The following CHCHD6 variants were observed in gnomAD, a reference collection of about 807,000 sequenced individuals.
The protein encoded by CHCHD6 is MICOS complex subunit MIC25.
CHCHD6 carries 28 observed loss-of-function variants against 32.3 expected under a neutral mutation model. The observed-to-expected ratio is 0.87, with a 90% confidence interval of 0.64 to 1.19. CHCHD6 has a LOEUF of 1.19. Among genes scored for constraint, CHCHD6 ranks in the 50% most tolerant of loss-of-function variants. The pLI is 0.00. For synonymous variants in CHCHD6, 122 were observed against 117.5 expected (o/e 1.04, Z -0.25); for missense variants, 333 against 307.0 (o/e 1.08, Z -0.63).
intron 4 of CHCHD6, among the ~76,000 whole-genome samples, chr3:126,829,274 A>G (rs557229584): frequency 6.6e-6 from 1 of 152,136 alleles, no homozygotes; most frequent in South Asian, 2.1e-4. Flanking sequence ...ATGCTGCACC[A>G]TCCTCAGACT....
At chr3:126,728,144 A>G (rs978783382) in intron 2 of CHCHD6, among the ~76,000 whole-genome samples, 1 of 152,224 alleles carries the variant, frequency 6.6e-6, no homozygotes, top group Non-Finnish European at 1.5e-5. Flanking sequence ...TGAGAGCTGT[A>G]TCCTGCCCAC....
intron 4 of CHCHD6, among the ~76,000 whole-genome samples, chr3:126,773,984 A>G (rs1367024685): frequency 1.3e-5 from 2 of 152,086 alleles, no homozygotes; most frequent in Non-Finnish European, 2.9e-5. Context: ...TTCTTTGATG[A>G]TTCTTGTCTG....
At chr3:126,748,968 A>C (rs1011624153) in intron 4 of CHCHD6, among the ~76,000 whole-genome samples, 2 of 152,150 alleles carry the variant, frequency 1.3e-5, no homozygotes, top group East Asian at 3.9e-4. Context: ...TGATGCCCTA[A>C]TTTAGATTGA....
At chr3:126,747,854 T>C (rs1311969301) in intron 4 of CHCHD6, among the ~76,000 whole-genome samples, 8 of 152,162 alleles carry the variant, frequency 5.3e-5, no homozygotes, top group Non-Finnish European at 8.8e-5. Flanking sequence ...GGGCCTGGGC[T>C]CCTGGGGGCC....
At chr3:126,865,500 A>C (rs1163942535) in intron 5 of CHCHD6, 29 of 901,236 alleles carry the variant, frequency 3.2e-5, no homozygotes, top group Non-Finnish European at 3.7e-5. Flanking sequence ...CTTCGCCTTC[A>C]CCACCACCAC....
chr3:126,822,628 G>A (rs1445342663), intron 4 of CHCHD6, among the ~76,000 whole-genome samples: 2 of 152,196 alleles, frequency 1.3e-5, no homozygotes, highest in Non-Finnish European at 2.9e-5. Flanking sequence ...GATTTTGATA[G>A]GAAATGTATT....
intron 4 of CHCHD6, among the ~76,000 whole-genome samples, chr3:126,829,677 TTCTC>T (rs1019224264): frequency 6.6e-6 from 1 of 152,040 alleles, no homozygotes; most frequent in Non-Finnish European, 1.5e-5. Flanking sequence ...CTTGCTCTCT[TTCTC>T]TCTATCATGT....
chr3:126,827,830 C>A (rs1940463875), intron 4 of CHCHD6, among the ~76,000 whole-genome samples: 1 of 152,142 alleles, frequency 6.6e-6, no homozygotes, highest in South Asian at 2.1e-4. Context: ...AGGGAGGCTG[C>A]AGAAAATAAG....
chr3:126,910,287 CA>C (rs1158847805), intron 5 of CHCHD6, among the ~76,000 whole-genome samples: 1 of 145,696 alleles, frequency 6.9e-6, no homozygotes, highest in African/African-American at 2.5e-5. Flanking sequence ...AAAAAAAAAA[CA>C]AAAAAAACAA....
chr3:126,717,685 G>A (rs753780017), intron 1 of CHCHD6, among the ~76,000 whole-genome samples: 1 of 152,188 alleles, frequency 6.6e-6, no homozygotes, highest in African/African-American at 2.4e-5. Flanking sequence ...TGGCATTTTG[G>A]TTAGGGTCAG....
At chr3:126,746,225 C>G (rs867171816) in intron 4 of CHCHD6, among the ~76,000 whole-genome samples, 2 of 152,186 alleles carry the variant, frequency 1.3e-5, no homozygotes, top group Admixed American at 1.3e-4. Flanking sequence ...TTTGCCTCTG[C>G]GCTTGTGCCC....
intron 1 of CHCHD6, among the ~76,000 whole-genome samples, chr3:126,712,871 C>T (rs1174240069): frequency 1.3e-5 from 2 of 152,226 alleles, no homozygotes; most frequent in Non-Finnish European, 2.9e-5. Flanking sequence ...AAATGGGACT[C>T]ACCCGCATTT....
At chr3:126,948,936 A>G (rs965380972) in intron 6 of CHCHD6, among the ~76,000 whole-genome samples, 3 of 152,338 alleles carry the variant, frequency 2.0e-5, no homozygotes, top group African/African-American at 7.2e-5. Flanking sequence ...GAATGGGTTC[A>G]TACTAGCCCA....
rs763209096 is a variant in CHCHD6 at position 126,957,446 on chromosome 3, G to A, written c.597G>A (p.Gly199=). 6.2e-7 allele frequency: 1 copy of A among 1,611,444 alleles called. No homozygotes were observed. Among genetic ancestry groups the A allele is most frequent in the East Asian group, 2.2e-5 (1 of 44,736 alleles). Residue 199 remains glycine, a synonymous_variant, in exon 7 of 8, where the codon GGG becomes GGA. Coordinates refer to ENST00000290913, the MANE Select transcript of CHCHD6 (RefSeq NM_032343.3). The stretch of plus-strand genomic sequence containing the variant: ...GCAGGGTGGAGCCCGTCTGCTCAGG[G>A]TTGCAGGCCCAGATTCTCCACTGCT... ...KPRRVEPVCS[G]LQAQILHCYR... is the part of the protein sequence containing the mutation.
intron 6 of CHCHD6, among the ~76,000 whole-genome samples, chr3:126,923,331 A>G (rs983390597): frequency 9.9e-5 from 15 of 152,200 alleles, no homozygotes; most frequent in African/African-American, 3.4e-4. Context: ...TTAAAATTTA[A>G]CTTAAGCATC....
intron 5 of CHCHD6, among the ~76,000 whole-genome samples, chr3:126,909,206 A>G (rs910333654): frequency 1.5e-4 from 23 of 152,310 alleles, no homozygotes; most frequent in African/African-American, 3.1e-4. Flanking sequence ...GCTCTCCCCA[A>G]TGTCCACAGA....
intron 4 of CHCHD6, among the ~76,000 whole-genome samples, chr3:126,769,532 C>G (rs976371632): frequency 6.6e-6 from 1 of 152,086 alleles, no homozygotes; most frequent in African/African-American, 2.4e-5. Context: ...GAGATGGAGT[C>G]TCACTCTGTT....
chr3:126,957,163 C>T (rs2078797301), intron 6 of CHCHD6: 3 of 561,476 alleles, frequency 5.3e-6, no homozygotes, highest in Non-Finnish European at 9.6e-6. Flanking sequence ...GTGTGGAGCC[C>T]CATACCACAG....
At chr3:126,864,555 C>T (rs1942163701) in intron 5 of CHCHD6, among the ~76,000 whole-genome samples, 1 of 150,094 alleles carries the variant, frequency 6.7e-6, no homozygotes, top group Non-Finnish European at 1.5e-5. Flanking sequence ...ACCTCCTCCT[C>T]CTCCTCCTTC....
Sources: gnomAD v4.1 joint callset for allele counts (sites outside exome capture counted in the v4.1 genomes callset) on GRCh38, gnomAD v4.1.1 for gene constraint, MANE v1.5 for transcripts, NCBI Gene and HGNC (gene_info 2026-07-23, HGNC 2026-07-21) for gene names.